The following IMMP2L variants were observed in gnomAD, a reference collection of about 807,000 sequenced individuals.
IMMP2L encodes the protein inner mitochondrial membrane peptidase subunit 2.
Under a neutral mutation model 19.3 loss-of-function variants are expected in IMMP2L, and 18 were observed. The observed-to-expected ratio is 0.93, with a 90% CI of 0.64 to 1.38. The LOEUF is 1.38. IMMP2L is among the 40% of genes most tolerant of loss of function. IMMP2L has a pLI of 0.00. For missense variants in IMMP2L, 233 were observed against 218.2 expected (o/e 1.07, Z -0.43); for synonymous variants, 76 against 73.0 (o/e 1.04, Z -0.21).
At chr7:111,538,816 TAAAAAAAAAAAAA>T (rs768599585) in intron 1 of IMMP2L, among the ~76,000 whole-genome samples, 5 of 82,430 alleles carry the variant, frequency 6.1e-5, no homozygotes, top group Non-Finnish European at 7.1e-5. Flanking sequence ...CTGGCTCATT[TAAAAAAAAAAAAA>T]AAAAAAAAAG....
At chr7:111,554,053 C>T (rs1047275112) in intron 1 of IMMP2L, among the ~76,000 whole-genome samples, 12 of 152,110 alleles carry the variant, frequency 7.9e-5, no homozygotes, top group Admixed American at 7.2e-4. Context: ...ATCTAATCTA[C>T]AATTTTTTAG....
intron 5 of IMMP2L, among the ~76,000 whole-genome samples, chr7:110,867,449 C>G (rs776932915): frequency 2.1e-4 from 32 of 151,942 alleles, no homozygotes; most frequent in Non-Finnish European, 3.7e-4. Flanking sequence ...AATGCTGCCC[C>G]AAGTCCTTAA....
intron 3 of IMMP2L, among the ~76,000 whole-genome samples, chr7:111,314,351 T>C (rs568599556): frequency 2.6e-5 from 4 of 152,240 alleles, no homozygotes; most frequent in East Asian, 1.9e-4. Flanking sequence ...ATTTGAAATA[T>C]AGCAAATGAG....
At chr7:110,812,410 G>T (rs1584903969) in intron 5 of IMMP2L, among the ~76,000 whole-genome samples, 2 of 152,100 alleles carry the variant, frequency 1.3e-5, no homozygotes, top group East Asian at 3.9e-4. Context: ...AGTGATAAAG[G>T]GGGAGAAAGT....
intron 3 of IMMP2L, among the ~76,000 whole-genome samples, chr7:111,032,225 G>A (rs983952121): frequency 6.6e-6 from 1 of 152,180 alleles, no homozygotes; most frequent in African/African-American, 2.4e-5. Context: ...ACAGGCATGA[G>A]CCACCGCATC....
intron 3 of IMMP2L, among the ~76,000 whole-genome samples, chr7:110,978,582 A>C (rs1214965013): frequency 6.6e-6 from 1 of 152,080 alleles, no homozygotes; most frequent in Non-Finnish European, 1.5e-5. Context: ...ACATTCTAAA[A>C]TTATTTTCAT....
chr7:111,228,970 T>A (rs1434264033), intron 3 of IMMP2L, among the ~76,000 whole-genome samples: 1 of 24,702 alleles, frequency 4.0e-5, no homozygotes, highest in East Asian at 4.8e-4. Context: ...GCAATGCGTG[T>A]GTGTGTGTGT....
chr7:111,102,898 C>T (rs1798132775), intron 3 of IMMP2L, among the ~76,000 whole-genome samples: 2 of 151,242 alleles, frequency 1.3e-5, no homozygotes, highest in African/African-American at 4.8e-5. Flanking sequence ...TTTTTTTAAA[C>T]GTTAATTAAA....
At chr7:111,426,347 A>T (rs1034913048) in intron 3 of IMMP2L, among the ~76,000 whole-genome samples, 1 of 151,180 alleles carries the variant, frequency 6.6e-6, no homozygotes, top group Non-Finnish European at 1.5e-5. Flanking sequence ...TCACAGCAAC[A>T]TGTATTTCAT....
At chr7:111,078,125 C>T (rs991190752) in intron 3 of IMMP2L, among the ~76,000 whole-genome samples, 1 of 152,164 alleles carries the variant, frequency 6.6e-6, no homozygotes, top group South Asian at 2.1e-4. Flanking sequence ...TATCGTCTAC[C>T]TCTTACATCA....
chr7:111,497,368 T>G (rs1462246156), intron 2 of IMMP2L, among the ~76,000 whole-genome samples: 1 of 152,166 alleles, frequency 6.6e-6, no homozygotes, highest in Non-Finnish European at 1.5e-5. Context: ...GTGAATAGCT[T>G]CTTAGTCTTT....
At chr7:110,811,440 A>T (rs1802028293) in intron 5 of IMMP2L, among the ~76,000 whole-genome samples, 1 of 152,048 alleles carries the variant, frequency 6.6e-6, no homozygotes, top group African/African-American at 2.4e-5. Flanking sequence ...AACAAATATA[A>T]GGGATGGCAA....
At chr7:110,952,839 A>C (rs1585417111) in intron 4 of IMMP2L, among the ~76,000 whole-genome samples, 1 of 152,248 alleles carries the variant, frequency 6.6e-6, no homozygotes, top group East Asian at 1.9e-4. Flanking sequence ...GTTTAATATA[A>C]AAAATATTGA....
At chr7:111,071,219 C>T (rs1794919184) in intron 3 of IMMP2L, among the ~76,000 whole-genome samples, 2 of 151,848 alleles carry the variant, frequency 1.3e-5, no homozygotes, top group African/African-American at 4.8e-5. Flanking sequence ...CCCACACATA[C>T]AAAAACAAAA....
intron 2 of IMMP2L, among the ~76,000 whole-genome samples, chr7:111,501,664 A>G (rs572677326): frequency 2.6e-5 from 4 of 152,296 alleles, no homozygotes; most frequent in African/African-American, 9.6e-5. Flanking sequence ...GTGGGGGCCA[A>G]TATTCAACAT....
In IMMP2L at chr7:111,537,687, CACCACACCTGGCTA is replaced by C. The variant is rs370723709; in HGVS notation, c.-2-16252_-2-16239del. 2.1e-3 allele frequency among the ~76,000 whole-genome samples: 321 copies of C among 151,872 alleles called. 2 individuals carry two copies. The highest frequency in any genetic ancestry group is 7.3e-3 in the African/African-American group (304 of 41,446). On this transcript the variant is annotated intron_variant, in intron 1 of 5. Coordinates refer to ENST00000405709, the MANE Select transcript of IMMP2L (RefSeq NM_032549.4). Reference sequence around the variant, plus strand: ...AGTAGCGGGAACCACAGGTATGTGCCACCACACCTGGCTAATTTTTGTATTTTTTGTAGAGATGG... The same window carrying C: ...AGTAGCGGGAACCACAGGTATGTGCCATTTTTGTATTTTTTGTAGAGATGG...
At chr7:110,969,664 A>G (rs1819935428) in intron 3 of IMMP2L, among the ~76,000 whole-genome samples, 2 of 152,136 alleles carry the variant, frequency 1.3e-5, no homozygotes. Context: ...AAGTGTATAG[A>G]AAACTTTAAT....
chr7:111,049,599 C>T (rs1247746413), intron 3 of IMMP2L, among the ~76,000 whole-genome samples: 2 of 152,114 alleles, frequency 1.3e-5, no homozygotes, highest in Non-Finnish European at 2.9e-5. Context: ...ATTCTACATA[C>T]TTAGAAAATT....
intron 3 of IMMP2L, among the ~76,000 whole-genome samples, chr7:111,455,053 T>C (rs1474374995): frequency 2.0e-5 from 3 of 151,832 alleles, no homozygotes; most frequent in African/African-American, 7.3e-5. Flanking sequence ...TTCCAGATTA[T>C]CTGAGTCAGT....
Sources: allele counts gnomAD v4.1 joint callset (sites outside exome capture counted in the v4.1 genomes callset), GRCh38; gene constraint gnomAD v4.1.1; transcripts MANE v1.5; gene names NCBI Gene and HGNC (gene_info 2026-07-23, HGNC 2026-07-21).